The following USP7 variants were observed in gnomAD, a reference collection of about 807,000 sequenced individuals.
The protein encoded by USP7 is ubiquitin specific peptidase 7.
A neutral mutation model predicts 162.9 loss-of-function variants in USP7; 9 were observed. The observed-to-expected ratio is 0.06, with a 90% CI of 0.03 to 0.10. The LOEUF is 0.10. Among genes scored for constraint, USP7 ranks in the 10% least tolerant of loss-of-function variants. The pLI is 1.00. For synonymous variants in USP7, 562 were observed against 475.9 expected, an observed-to-expected ratio of 1.18 and a Z score of -2.35; for missense variants, 715 against 1,373.7, an observed-to-expected ratio of 0.52 and a Z score of 7.58.
chr16:8,936,783 A>G, intron 1 of USP7: 1 of 1,304,718 alleles, frequency 7.7e-7, no homozygotes, highest in African/African-American at 1.5e-5. Flanking sequence ...AAGCAACCTC[A>G]ATTTAGATAA....
chr16:8,903,004 G>T (rs1333973085), intron 16 of USP7, among the ~76,000 whole-genome samples: 1 of 152,210 alleles, frequency 6.6e-6, no homozygotes, highest in Non-Finnish European at 1.5e-5. Flanking sequence ...GGGGGTAGGG[G>T]TGCAGGGAGT....
Position 8,899,609 on chromosome 16 carries a change from A to C in USP7, c.2458T>G (p.Phe820Val), listed in dbSNP as rs2061743031. 1.2e-6 allele frequency: 2 copies of C among 1,613,866 alleles called. No individual in the cohort carries two copies. The highest frequency in any genetic ancestry group is 1.3e-5 in the African/African-American group (1 of 74,938). The change falls in exon 22 of 31, where the codon TTT becomes GTT. Residue 820 changes from phenylalanine (F) to valine (V), a missense_variant. Phe to Val is a conservative substitution (Grantham distance 50). This residue lies in a region of USP7 where 222 missense variants were observed against 441.7 expected (regional missense o/e 0.50). Transcript: ENST00000344836. ...VVTLSNRMNY[F>V]QVAKTVAQRL... ...AAGGAGCATTTATTAAATACCTGAA[A>C]ATAATTCATTCTATTTGATAACGTA... is the stretch of plus-strand genomic sequence containing the variant.
At chr16:8,913,013 G>A (rs566226271) in intron 10 of USP7, among the ~76,000 whole-genome samples, 19 of 152,206 alleles carry the variant, frequency 1.2e-4, no homozygotes, top group African/African-American at 4.1e-4. Flanking sequence ...GTAACCTCAG[G>A]CAGCCAGAAT....
intron 30 of USP7, 137 bp from the exon 31 acceptor site, chr16:8,894,241 C>T (rs562049877): frequency 1.9e-5 from 15 of 805,000 alleles, no homozygotes; most frequent in East Asian, 7.6e-5. Flanking sequence ...CTGAGCTACA[C>T]GCCCACCTGG....
At chr16:8,916,069 G>A (rs1279344035) in intron 8 of USP7, among the ~76,000 whole-genome samples, 1 of 152,106 alleles carries the variant, frequency 6.6e-6, no homozygotes, top group Non-Finnish European at 1.5e-5. Flanking sequence ...ATTAGTGATG[G>A]CGCGGGGAGA....
chr16:8,928,582 C>G (rs969299967), intron 2 of USP7, among the ~76,000 whole-genome samples: 1 of 152,164 alleles, frequency 6.6e-6, no homozygotes. Context: ...CCCTCAGCTA[C>G]AAGTTCTTCT....
At chr16:8,906,378 GT>G (rs760894362) in intron 13 of USP7, 47 bp downstream of exon 13, 1 of 1,588,520 alleles carries the variant, frequency 6.3e-7, no homozygotes, top group Admixed American at 1.7e-5. Context: ...CAGAGCTTGT[GT>G]TAACTTTCTG....
intron 1 of USP7, among the ~76,000 whole-genome samples, chr16:8,954,240 C>T (rs537101725): frequency 1.3e-5 from 2 of 151,778 alleles, no homozygotes; most frequent in South Asian, 4.2e-4. Flanking sequence ...AGAGGGAAGA[C>T]ACGTGCCCCC....
chr16:8,908,595 T>C, intron 11 of USP7, 145 bp from the exon 12 acceptor site: 1 of 631,796 alleles, frequency 1.6e-6, no homozygotes, highest in Admixed American at 3.2e-5. Flanking sequence ...ATTTAGGGCA[T>C]CTTTGAAATG....
At chr16:8,902,614 G>C in intron 16 of USP7, 132 bp from the exon 17 acceptor site, 1 of 784,500 alleles carries the variant, frequency 1.3e-6, no homozygotes, top group Non-Finnish European at 1.9e-6. Flanking sequence ...CGTAGGCCAG[G>C]TGCTGTGGCT....
chr16:8,941,382 T>C (rs1050897032), intron 1 of USP7, among the ~76,000 whole-genome samples: 1 of 152,184 alleles, frequency 6.6e-6, no homozygotes, highest in African/African-American at 2.4e-5. Flanking sequence ...GTTAACAACT[T>C]TTTAACAAAG....
chr16:8,932,839 T>C (rs1898449703), intron 1 of USP7, among the ~76,000 whole-genome samples: 1 of 152,164 alleles, frequency 6.6e-6, no homozygotes, highest in Admixed American at 6.5e-5. Flanking sequence ...ATGAAAAATT[T>C]TTAAGAAGTA....
chr16:8,951,102 C>T (rs1179371317), intron 1 of USP7, among the ~76,000 whole-genome samples: 1 of 152,200 alleles, frequency 6.6e-6, no homozygotes, highest in East Asian at 1.9e-4. Flanking sequence ...TTTCTTCGAT[C>T]AGTGACTTAA....
chr16:8,900,003 A>G, intron 21 of USP7: 1 of 566,168 alleles, frequency 1.8e-6, no homozygotes. Context: ...TACAAAACAA[A>G]ACCCCCTTAG....
At chr16:8,952,248 C>CA (rs564565828) in intron 1 of USP7, among the ~76,000 whole-genome samples, 4 of 152,042 alleles carry the variant, frequency 2.6e-5, no homozygotes, top group Admixed American at 6.6e-5. Context: ...AGCCTGTCTC[C>CA]AAAAAAATAT....
chr16:8,960,486 G>C (rs1271017376), intron 1 of USP7, among the ~76,000 whole-genome samples: 1 of 152,200 alleles, frequency 6.6e-6, no homozygotes, highest in African/African-American at 2.4e-5. Flanking sequence ...TATTGATAGA[G>C]ACAAAACAAA....
intron 2 of USP7, among the ~76,000 whole-genome samples, chr16:8,923,625 C>CA (rs1397054580): frequency 5.3e-5 from 8 of 152,192 alleles, no homozygotes; most frequent in Admixed American, 3.3e-4. Flanking sequence ...GTCCAAAACT[C>CA]AGAGTGCTAA....
intron 1 of USP7, chr16:8,962,583 G>T: frequency 2.9e-6 from 1 of 340,514 alleles, no homozygotes; most frequent in Non-Finnish European, 6.2e-6. Flanking sequence ...ACACTGCCAA[G>T]TACAAACTCC....
rs1193264504 is a variant in USP7, at chr16:8,913,696, TGCAA to T, written c.1078+1554_1078+1557del. Among the ~76,000 whole-genome samples the T allele has an allele frequency of 7.9e-5, 12 of 152,082 alleles. 1 individual carries two copies. Among genetic ancestry groups the T allele is most frequent in the Admixed American group, 7.9e-4 (12 of 15,266 alleles). On this transcript the variant is annotated intron_variant, in intron 10 of 30. Coordinates refer to ENST00000344836, the MANE Select transcript of USP7 (RefSeq NM_003470.3). ...ATCCAAATTAAAAACGGAGGAGCAT[TGCAA>T]GCTGTAAATATGTGGGTCAACATAA... is the stretch of plus-strand genomic sequence containing the variant.
Sources: gnomAD v4.1 joint callset for allele counts (sites outside exome capture counted in the v4.1 genomes callset) on GRCh38, gnomAD v4.1.1 for gene constraint, gnomAD v4.1.1 regional missense constraint, MANE v1.5 for transcripts, NCBI Gene and HGNC (gene_info 2026-07-23, HGNC 2026-07-21) for gene names.